Variants in PHF14 observed in about 807,000 individuals in gnomAD.
The protein encoded by PHF14 is PHD finger protein 14.
A neutral mutation model predicts 117.9 loss-of-function variants in PHF14; 55 were observed. The ratio of observed to expected loss-of-function variants is 0.47; its 90% CI spans 0.38 to 0.58. The LOEUF is 0.58. PHF14 is among the 20% of genes least tolerant of loss of function. The pLI is 0.00. For missense variants in PHF14, 978 were observed against 1,122.2 expected, an observed-to-expected ratio of 0.87 and a Z score of 1.84; for synonymous variants, 409 against 368.6, an observed-to-expected ratio of 1.11 and a Z score of -1.26.
intron 13 of PHF14, among the ~76,000 whole-genome samples, chr7:11,044,657 TTA>T (rs1383467112): frequency 6.6e-6 from 1 of 152,210 alleles, no homozygotes; most frequent in East Asian, 1.9e-4. Context: ...CATTTTCAGT[TTA>T]TTTTTGAAGT....
intron 5 of PHF14, among the ~76,000 whole-genome samples, chr7:11,019,787 C>T (rs888545731): frequency 2.6e-5 from 4 of 151,948 alleles, no homozygotes; most frequent in Admixed American, 1.3e-4. Context: ...TTGGTTTGCT[C>T]TTGCTTTCCT....
intron 17 of PHF14, among the ~76,000 whole-genome samples, chr7:11,117,596 T>C (rs1361078594): frequency 6.6e-6 from 1 of 151,284 alleles, no homozygotes. Flanking sequence ...TATGTATTTA[T>C]ATGTATAAAT....
At chr7:10,986,000 G>A (rs531786302) in intron 3 of PHF14, among the ~76,000 whole-genome samples, 79 of 151,768 alleles carry the variant, frequency 5.2e-4, no homozygotes, top group African/African-American at 1.8e-3. Flanking sequence ...ACAGATTCTC[G>A]CTTTGTTTCC....
intron 16 of PHF14, chr7:11,103,945 G>A (rs1237417664): frequency 2.0e-6 from 2 of 983,232 alleles, no homozygotes; most frequent in Non-Finnish European, 2.4e-6. Context: ...GATAGGACTA[G>A]TTGTCACTAT....
intron 16 of PHF14, among the ~76,000 whole-genome samples, chr7:11,101,023 G>C (rs1787067546): frequency 6.6e-6 from 1 of 151,858 alleles, no homozygotes; most frequent in Non-Finnish European, 1.5e-5. Flanking sequence ...AGTTGCATAT[G>C]AAATAAATAC....
chr7:11,052,945 G>A (rs913321598), intron 14 of PHF14, among the ~76,000 whole-genome samples: 4 of 152,076 alleles, frequency 2.6e-5, no homozygotes, highest in African/African-American at 9.7e-5. Flanking sequence ...AGTTTGGTGT[G>A]TATGTTTTCT....
At chr7:11,155,977 T>C (rs1379890119) in intron 17 of PHF14, among the ~76,000 whole-genome samples, 1 of 152,230 alleles carries the variant, frequency 6.6e-6, no homozygotes, top group Non-Finnish European at 1.5e-5. Flanking sequence ...TATACTTATG[T>C]AGTAGCTAAT....
At chr7:10,994,961 GC>G (rs1423896064) in intron 4 of PHF14, among the ~76,000 whole-genome samples, 4 of 152,152 alleles carry the variant, frequency 2.6e-5, no homozygotes, top group African/African-American at 9.7e-5. Context: ...CCCTTCTCTG[GC>G]CCCACCCACA....
intron 16 of PHF14, among the ~76,000 whole-genome samples, chr7:11,074,708 A>G (rs1471766439): frequency 1.3e-5 from 2 of 152,186 alleles, no homozygotes; most frequent in African/African-American, 4.8e-5. Context: ...CTAGGGCATA[A>G]TATGGGTGAC....
At position 10,974,832 on chromosome 7, in the gene PHF14, C is replaced by T. The variant is rs1166896239; in HGVS notation, c.2-3C>T. 6.6e-6 allele frequency: 10 copies of T among 1,508,342 alleles called. No homozygotes were observed. The highest frequency in any genetic ancestry group is 9.1e-6 in the Non-Finnish European group (10 of 1,100,674). 93.4% of individuals were successfully genotyped at this position (1,508,342 alleles called of 1,614,324 possible). On this transcript the variant is annotated splice_polypyrimidine_tract_variant and splice_region_variant and intron_variant, in intron 1 of 17. Coordinates refer to ENST00000634607, the MANE Select transcript of PHF14 (RefSeq NM_001007157.2). Reference sequence around the variant, plus strand: ...TGACAATGTAATTTTTTTCTCTTCACAGTGGATCGCAGCTCCAAGAGGAGG... The same window carrying T: ...TGACAATGTAATTTTTTTCTCTTCATAGTGGATCGCAGCTCCAAGAGGAGG...
chr7:11,116,977 C>T (rs1250631747), intron 17 of PHF14, among the ~76,000 whole-genome samples: 1 of 151,880 alleles, frequency 6.6e-6, no homozygotes, highest in Admixed American at 6.6e-5. Flanking sequence ...GGACATAGCT[C>T]ATGCTTCAGT....
chr7:11,152,825 T>TA (rs1283400637), intron 17 of PHF14, among the ~76,000 whole-genome samples: 5 of 152,248 alleles, frequency 3.3e-5, no homozygotes, highest in Admixed American at 3.3e-4. Flanking sequence ...CACTCACTGA[T>TA]ACCTGCATGA....
rs150578562 is a variant in PHF14, at chr7:11,155,012, C to G, written c.2773-14404C>G. On this transcript the variant is annotated intron_variant, in intron 17 of 17. Coordinates refer to ENST00000634607, the MANE Select transcript of PHF14 (RefSeq NM_001007157.2). ...TTTGAAGAGGATCCTTACTATCTATCTGTAGGTACCTATCTTCACTACAGC... is the reference window on the plus strand; with the variant it reads ...TTTGAAGAGGATCCTTACTATCTATGTGTAGGTACCTATCTTCACTACAGC... Among the ~76,000 whole-genome samples the G allele has an allele frequency of 2.4e-4, 37 of 152,172 alleles. 2 individuals are homozygous for G. In the East Asian group the frequency reaches 5.4e-3, roughly 22 times the overall value.
chr7:11,119,779 C>G (rs933934489), intron 17 of PHF14, among the ~76,000 whole-genome samples: 1 of 151,824 alleles, frequency 6.6e-6, no homozygotes, highest in Non-Finnish European at 1.5e-5. Context: ...GAGACTTCTT[C>G]AAGAAAACTT....
intron 2 of PHF14, among the ~76,000 whole-genome samples, chr7:10,976,203 T>G (rs139398222): frequency 2.6e-5 from 4 of 152,290 alleles, no homozygotes; most frequent in Non-Finnish European, 4.4e-5. Flanking sequence ...ACTAATTGAA[T>G]TCATCCGCAG....
rs140852193 is a variant in PHF14, at chr7:11,002,246, T to A, written c.1045+11399T>A. 2.0e-3 allele frequency among the ~76,000 whole-genome samples: 301 copies of A among 151,944 alleles called. 1 individual carries two copies. Among genetic ancestry groups the A allele is most frequent in the African/African-American group, 7.1e-3 (295 of 41,410 alleles). On this transcript the variant is annotated intron_variant, in intron 4 of 17. Transcript: ENST00000634607. ...GGAAGGATCATCCTTTGAGAGACATTGGTTTAGAAGAAAGTAAAAATGGGG... is the reference window on the plus strand; with the variant it reads ...GGAAGGATCATCCTTTGAGAGACATAGGTTTAGAAGAAAGTAAAAATGGGG...
chr7:10,979,592 T>C (rs1236087286), intron 2 of PHF14, among the ~76,000 whole-genome samples: 1 of 151,402 alleles, frequency 6.6e-6, no homozygotes, highest in Non-Finnish European at 1.5e-5. Context: ...AGAGTCATTC[T>C]TTGATGACTA....
rs186139946 is a variant in PHF14 at position 11,151,024 on chromosome 7, G to T, written c.2773-18392G>T. 1.4e-3 allele frequency among the ~76,000 whole-genome samples: 207 copies of T among 152,116 alleles called. 1 individual carries two copies. Among genetic ancestry groups the T allele is most frequent in the Middle Eastern group, 0.014 (4 of 294 alleles). On this transcript the variant is annotated intron_variant, in intron 17 of 17. Coordinates refer to ENST00000634607, the MANE Select transcript of PHF14 (RefSeq NM_001007157.2). ...AATGGGTTTTCTGTTTACAATAAAAGATATATCAATGATTTTAAAAATAAG... is the reference window on the plus strand; with the variant it reads ...AATGGGTTTTCTGTTTACAATAAAATATATATCAATGATTTTAAAAATAAG...
Position 11,037,211 on chromosome 7 carries a change from T to C in PHF14, c.1980+120T>C, listed in dbSNP as rs546896232. The C allele has an allele frequency of 4.0e-6, 3 of 756,428 alleles. No homozygotes were observed. In the East Asian group the frequency reaches 8.8e-5, roughly 22 times the overall value. 46.9% of individuals were successfully genotyped at this position (756,428 alleles called of 1,614,324 possible). A position where few individuals can be genotyped will look rare whatever the true frequency, so the allele number is the denominator to read the frequency against. ...ATTTCTTCTGGAGCTCTTTGGCTCT[T>C]CCCTATAACTCCTACTCCTCATTAG... On this transcript the variant is annotated intron_variant, in intron 10 of 17. Coordinates refer to ENST00000634607, the MANE Select transcript of PHF14 (RefSeq NM_001007157.2).
Sources: gnomAD v4.1 joint callset for allele counts (sites outside exome capture counted in the v4.1 genomes callset) on GRCh38, gnomAD v4.1.1 for gene constraint, MANE v1.5 for transcripts, NCBI Gene and HGNC (gene_info 2026-07-23, HGNC 2026-07-21) for gene names.